IL15: variants seen among roughly 807,000 people sequenced by gnomAD.
The protein encoded by IL15 is interleukin-15.
IL15 carries 11 observed loss-of-function variants against 19.6 expected under a neutral mutation model. That is an observed-to-expected ratio of 0.56 (90% CI 0.35 to 0.93). The LOEUF (loss-of-function observed/expected upper bound fraction) is 0.93, where lower values mean the gene tolerates loss of function less well. IL15 is among the 40% of genes least tolerant of loss of function. The probability of loss-of-function intolerance (pLI) is 0.01; values close to 1 mark genes in which losing one functional copy is unlikely to be tolerated. For synonymous variants in IL15, 58 were observed against 59.6 expected (o/e 0.97, Z 0.12); for missense variants, 197 against 186.5 (o/e 1.06, Z -0.33).
At chr4:141,641,515 A>C (rs2152149526) in intron 1 of IL15, among the ~76,000 whole-genome samples, 1 of 152,256 alleles carries the variant, frequency 6.6e-6, no homozygotes, top group South Asian at 2.1e-4. Context: ...GCAGCCATAA[A>C]AAAGGATGAG....
At position 141,729,870 on chromosome 4, in the gene IL15, G is replaced by A. The variant is rs116748569; in HGVS notation, c.264G>A (p.Met88Ile). The change falls in exon 7 of 8, where the codon ATG becomes ATA. Residue 88 changes from methionine (M) to isoleucine (I), a missense_variant. Coordinates refer to ENST00000320650, the MANE Select transcript of IL15 (RefSeq NM_000585.5). ...DVHPSCKVTA[M>I]KCFLLELQVI... ...AGCCCAGTTGCAAAGTAACAGCAAT[G>A]AAGTGCTTTCTCTTGGAGTTACAAG... 6.3e-7 allele frequency: 1 copy of A among 1,578,004 alleles called. No homozygotes were observed.
chr4:141,675,030 T>G (rs1728295053), intron 2 of IL15, among the ~76,000 whole-genome samples: 1 of 152,154 alleles, frequency 6.6e-6, no homozygotes, highest in Admixed American at 6.5e-5. Context: ...TCATTCAGGT[T>G]GTTGGCAGAA....
intron 2 of IL15, among the ~76,000 whole-genome samples, chr4:141,674,233 A>G (rs1006266298): frequency 1.3e-5 from 2 of 152,192 alleles, no homozygotes; most frequent in Non-Finnish European, 1.5e-5. Flanking sequence ...ATCACAGTGT[A>G]GGATGCAAAT....
chr4:141,658,444 C>T (rs1727679605), intron 2 of IL15, among the ~76,000 whole-genome samples: 2 of 152,098 alleles, frequency 1.3e-5, no homozygotes, highest in Non-Finnish European at 2.9e-5. Flanking sequence ...TATGGGACCA[C>T]CTCATTGTAT....
chr4:141,708,878 G>C (rs138273006), intron 2 of IL15, among the ~76,000 whole-genome samples: 2 of 152,102 alleles, frequency 1.3e-5, no homozygotes, highest in Admixed American at 6.5e-5. Flanking sequence ...ACTTGGACAG[G>C]TATTTTAATT....
intron 3 of IL15, 25 bp from the exon 4 acceptor site, chr4:141,720,444 A>G: frequency 3.3e-6 from 4 of 1,214,704 alleles, no homozygotes; most frequent in Non-Finnish European, 3.6e-6. Flanking sequence ...AAATTTAACC[A>G]TTTGTCTATG....
At chr4:141,702,127 C>T (rs754010256) in intron 2 of IL15, among the ~76,000 whole-genome samples, 1 of 152,212 alleles carries the variant, frequency 6.6e-6, no homozygotes, top group Non-Finnish European at 1.5e-5. Flanking sequence ...GGTAGAGGTG[C>T]TGACTTTCTC....
intron 2 of IL15, among the ~76,000 whole-genome samples, chr4:141,690,129 G>C (rs999373169): frequency 6.6e-6 from 1 of 151,840 alleles, no homozygotes; most frequent in African/African-American, 2.4e-5. Context: ...CCCGGGGCCA[G>C]CACGGCCAGC....
chr4:141,702,816 C>A (rs1729365263), intron 2 of IL15, among the ~76,000 whole-genome samples: 1 of 152,110 alleles, frequency 6.6e-6, no homozygotes, highest in Non-Finnish European at 1.5e-5. Context: ...CTGTAGAGCT[C>A]CCAAAAGTTT....
chr4:141,643,225 C>T (rs1578983025), intron 1 of IL15, among the ~76,000 whole-genome samples: 2 of 152,196 alleles, frequency 1.3e-5, no homozygotes, highest in African/African-American at 4.8e-5. Context: ...TTTTCTCTGT[C>T]TCTTATGGGT....
intron 2 of IL15, among the ~76,000 whole-genome samples, chr4:141,662,631 A>G (rs2152162729): frequency 6.6e-6 from 1 of 152,228 alleles, no homozygotes; most frequent in Admixed American, 6.5e-5. Context: ...CAGCCTGACA[A>G]TCTTAGTCTT....
chr4:141,697,758 T>C (rs563979006), intron 2 of IL15, among the ~76,000 whole-genome samples: 1 of 152,146 alleles, frequency 6.6e-6, no homozygotes, highest in Admixed American at 6.5e-5. Context: ...TATTTTTTTT[T>C]CAGCTATTAT....
In IL15 at chr4:141,721,455, G is replaced by T. The variant is rs923055919; in HGVS notation, c.111-469G>T. ...TAAGAGTGTGAGCAACATGAAAGGGGCATGTTTAATGTAGTGTAAAAAAAA... is the reference window on the plus strand; with the variant it reads ...TAAGAGTGTGAGCAACATGAAAGGGTCATGTTTAATGTAGTGTAAAAAAAA... On this transcript the variant is annotated intron_variant, in intron 4 of 7. Transcript: ENST00000320650. 3 of 602,072 alleles carry T rather than the reference G, an allele frequency of 5.0e-6. No homozygotes were observed. The Admixed American group carries it at 6.4e-5, about 13-fold the overall frequency. 37.3% of individuals were successfully genotyped at this position (602,072 alleles called of 1,614,324 possible). A position where few individuals can be genotyped will look rare whatever the true frequency, so the allele number is the denominator to read the frequency against.
intron 2 of IL15, among the ~76,000 whole-genome samples, chr4:141,686,350 G>A (rs889426135): frequency 6.6e-6 from 1 of 151,134 alleles, no homozygotes; most frequent in African/African-American, 2.4e-5. Flanking sequence ...AAGGTGGGAG[G>A]GACACAGTAA....
chr4:141,651,230 A>G (rs1361561537), intron 1 of IL15, among the ~76,000 whole-genome samples: 1 of 151,980 alleles, frequency 6.6e-6, no homozygotes, highest in Admixed American at 6.6e-5. Context: ...ATACACATAC[A>G]CAATGAAATA....
rs1178007533 is a variant in IL15, at chr4:141,656,494, G to A, written c.-100+187G>A. Among the ~76,000 whole-genome samples the A allele has an allele frequency of 2.0e-5, 3 of 152,264 alleles. No homozygotes were observed. In the South Asian group the frequency reaches 6.2e-4, roughly 32 times the overall value. On this transcript the variant is annotated intron_variant, in intron 2 of 7. Transcript: ENST00000320650. ...CTTAAAGCATATATTTGAAGGCACA[G>A]AATATTGCACATAATTTTTTTTCTG... is the stretch of plus-strand genomic sequence containing the variant.
At chr4:141,704,658 A>C (rs1341614542) in intron 2 of IL15, 1 of 311,500 alleles carries the variant, frequency 3.2e-6, no homozygotes, top group Admixed American at 3.2e-5. Flanking sequence ...TCAGCAGTGA[A>C]GCTTTCAGGT....
At chr4:141,691,085 G>A (rs1445938493) in intron 2 of IL15, among the ~76,000 whole-genome samples, 1 of 9,822 alleles carries the variant, frequency 1.0e-4, no homozygotes, top group Non-Finnish European at 1.6e-4. Flanking sequence ...AAACATAAGA[G>A]GTTTAGTTGA....
intron 2 of IL15, among the ~76,000 whole-genome samples, chr4:141,682,420 C>T (rs542115244): frequency 1.1e-4 from 17 of 152,212 alleles, no homozygotes; most frequent in African/African-American, 3.9e-4. Context: ...TTACATAAAC[C>T]TTTTGACCAA....
Sources: allele counts gnomAD v4.1 joint callset (sites outside exome capture counted in the v4.1 genomes callset), GRCh38; gene constraint gnomAD v4.1.1; transcripts MANE v1.5; gene names NCBI Gene and HGNC (gene_info 2026-07-23, HGNC 2026-07-21).